The following DENND5A variants were observed in gnomAD, a reference collection of about 807,000 sequenced individuals.
DENND5A encodes the protein DENN domain-containing protein 5A.
A neutral mutation model predicts 140.3 loss-of-function variants in DENND5A; 64 were observed. The ratio of observed to expected loss-of-function variants is 0.46; its 90% CI spans 0.37 to 0.56. The LOEUF (loss-of-function observed/expected upper bound fraction) is 0.56. Among genes scored for constraint, DENND5A ranks in the 20% least tolerant of loss-of-function variants. DENND5A has a pLI of 0.00. For missense variants in DENND5A, 1,292 were observed against 1,593.8 expected (o/e 0.81, Z 3.22); for synonymous variants, 605 against 607.7 (o/e 1.00, Z 0.07).
chr11:9,146,912 A>T, intron 16 of DENND5A, 118 bp downstream of exon 16: 1 of 1,238,336 alleles, frequency 8.1e-7, no homozygotes, highest in Non-Finnish European at 1.1e-6. Flanking sequence ...GAGGCAAAAG[A>T]CAAATAGAAA....
At chr11:9,257,648 A>C (rs975769206) in intron 1 of DENND5A, among the ~76,000 whole-genome samples, 1 of 150,094 alleles carries the variant, frequency 6.7e-6, no homozygotes, top group African/African-American at 2.5e-5. Flanking sequence ...CACCCGGCTA[A>C]TTTTTTTGAA....
At chr11:9,184,266 T>C (rs1369088078) in intron 5 of DENND5A, among the ~76,000 whole-genome samples, 1 of 151,764 alleles carries the variant, frequency 6.6e-6, no homozygotes, top group African/African-American at 2.4e-5. Context: ...GGCAGGAGAA[T>C]GTCATGAACC....
At chr11:9,224,856 C>CA (rs1003433174) in intron 1 of DENND5A, among the ~76,000 whole-genome samples, 1,902 of 93,896 alleles carry the variant, frequency 0.02, 19 homozygotes, top group East Asian at 0.076. Flanking sequence ...AGACTCCATC[C>CA]AAAAAAAAAA....
chr11:9,242,014 CAA>C (rs965240891), intron 1 of DENND5A, among the ~76,000 whole-genome samples: 14 of 58,164 alleles, frequency 2.4e-4, no homozygotes, highest in Admixed American at 5.3e-4. Flanking sequence ...AACTCCGTCT[CAA>C]AAAAAAAAAA....
At chr11:9,184,225 T>C (rs1020863088) in intron 5 of DENND5A, among the ~76,000 whole-genome samples, 2 of 151,026 alleles carry the variant, frequency 1.3e-5, no homozygotes, top group South Asian at 2.1e-4. Context: ...TGGTGGCGGG[T>C]GCCTATAGTC....
intron 8 of DENND5A, among the ~76,000 whole-genome samples, chr11:9,177,439 C>T (rs780521365): frequency 7.9e-5 from 12 of 151,420 alleles, no homozygotes; most frequent in South Asian, 2.1e-4. Flanking sequence ...ATCACTTGAA[C>T]GCAAAAATTG....
At chr11:9,245,795 A>G (rs1851447917) in intron 1 of DENND5A, among the ~76,000 whole-genome samples, 1 of 151,832 alleles carries the variant, frequency 6.6e-6, no homozygotes, top group Non-Finnish European at 1.5e-5. Context: ...CACCACGCTC[A>G]GCTAATTTTT....
At position 9,139,842 on chromosome 11, in the gene DENND5A, T is replaced by C. The variant is rs1847177042; in HGVS notation, c.3693A>G (p.Leu1231=). 1.9e-6 allele frequency: 3 copies of C among 1,613,950 alleles called. No individual in the cohort carries two copies. The highest frequency in any genetic ancestry group is 2.5e-6 in the Non-Finnish European group (3 of 1,179,948). The change falls in exon 23 of 23, where the codon CTA becomes CTG. Residue 1231 remains leucine, a synonymous_variant. Coordinates refer to ENST00000328194, the MANE Select transcript of DENND5A (RefSeq NM_015213.4). The part of the protein sequence containing the change: ...LVCLGARDHL[L]HHWIALLADC... The stretch of plus-strand genomic sequence containing the variant: ...CAGCCAGCAGGGCAATCCAGTGGTG[T>C]AGGAGGTGATCTCTGGCAGAGCGGG...
At chr11:9,164,194 A>ATTTTTTTTTTTTTTT (rs779522112) in intron 11 of DENND5A, among the ~76,000 whole-genome samples, 15 of 79,068 alleles carry the variant, frequency 1.9e-4, no homozygotes, top group African/African-American at 7.3e-4. Flanking sequence ...ACCACGCCTA[A>ATTTTTTTTTTTTTTT]TTTTTTTTTT....
intron 1 of DENND5A, among the ~76,000 whole-genome samples, chr11:9,216,267 A>G (rs1850090603): frequency 6.6e-6 from 1 of 152,174 alleles, no homozygotes; most frequent in Non-Finnish European, 1.5e-5. Context: ...TCATTCCATG[A>G]CTATTGGGCC....
At chr11:9,242,009 C>G (rs1427234443) in intron 1 of DENND5A, among the ~76,000 whole-genome samples, 1 of 140,528 alleles carries the variant, frequency 7.1e-6, no homozygotes, top group African/African-American at 2.7e-5. Flanking sequence ...AGCGAAACTC[C>G]GTCTCAAAAA....
chr11:9,158,381 C>CAA (rs112287336), intron 12 of DENND5A, among the ~76,000 whole-genome samples: 33 of 139,612 alleles, frequency 2.4e-4, no homozygotes, highest in African/African-American at 6.3e-4. Flanking sequence ...CTCATCTCTA[C>CAA]AAAAAAAAAA....
chr11:9,207,495 A>T (rs1215414026), intron 2 of DENND5A, 66 bp downstream of exon 2: 7 of 1,221,012 alleles, frequency 5.7e-6, no homozygotes, highest in Non-Finnish European at 8.4e-6. Context: ...ACAAAATGCC[A>T]CTGGAGAGAT....
chr11:9,228,931 T>A (rs1564927850), intron 1 of DENND5A, among the ~76,000 whole-genome samples: 1 of 152,102 alleles, frequency 6.6e-6, no homozygotes, highest in Admixed American at 6.6e-5. Context: ...CTTTCCAGAG[T>A]TCTATGAGCC....
chr11:9,233,125 T>C (rs2136255589), intron 1 of DENND5A, among the ~76,000 whole-genome samples: 1 of 152,212 alleles, frequency 6.6e-6, no homozygotes, highest in South Asian at 2.1e-4. Flanking sequence ...AGACAGCCAG[T>C]CGCAGGGGCT....
At chr11:9,147,442 G>C (rs150380767) in intron 15 of DENND5A, among the ~76,000 whole-genome samples, 2 of 152,310 alleles carry the variant, frequency 1.3e-5, no homozygotes, top group East Asian at 3.9e-4. Flanking sequence ...TCTAAACTGA[G>C]GGCTGGAATG....
At chr11:9,219,962 G>A (rs1850242755) in intron 1 of DENND5A, among the ~76,000 whole-genome samples, 1 of 152,144 alleles carries the variant, frequency 6.6e-6, no homozygotes, top group Non-Finnish European at 1.5e-5. Context: ...AGAAAGGAAA[G>A]GGGCTCAGTT....
chr11:9,227,389 G>C (rs1051413505), intron 1 of DENND5A, among the ~76,000 whole-genome samples: 1 of 151,948 alleles, frequency 6.6e-6, no homozygotes, highest in Non-Finnish European at 1.5e-5. Flanking sequence ...AAGTGCTATG[G>C]AAACATACAA....
chr11:9,258,668 G>C (rs552262901), intron 1 of DENND5A, among the ~76,000 whole-genome samples: 1 of 151,940 alleles, frequency 6.6e-6, no homozygotes, highest in African/African-American at 2.4e-5. Flanking sequence ...TGTTCCCCCC[G>C]CATCCACCAC....
Sources: allele counts gnomAD v4.1 joint callset (sites outside exome capture counted in the v4.1 genomes callset), GRCh38; gene constraint gnomAD v4.1.1; transcripts MANE v1.5; gene names NCBI Gene and HGNC (gene_info 2026-07-23, HGNC 2026-07-21).